The following EIF2B3 variants were observed in gnomAD, a reference collection of about 807,000 sequenced individuals.
The protein encoded by EIF2B3 is eukaryotic translation initiation factor 2B subunit gamma.
EIF2B3 carries 20 observed loss-of-function variants against 54.1 expected under a neutral mutation model. The observed-to-expected ratio is 0.37, with a 90% CI of 0.26 to 0.54. The LOEUF (loss-of-function observed/expected upper bound fraction) is 0.54, where lower values mean the gene tolerates loss of function less well. EIF2B3 is among the 20% of genes least tolerant of loss of function. The probability of loss-of-function intolerance (pLI) is 0.86; values close to 1 mark genes in which losing one functional copy is unlikely to be tolerated. For synonymous variants in EIF2B3, 153 were observed against 188.1 expected (o/e 0.81, Z 1.52); for missense variants, 448 against 547.8 (o/e 0.82, Z 1.82).
chr1:44,921,080 C>T (rs1643729761), intron 5 of EIF2B3, among the ~76,000 whole-genome samples: 2 of 152,220 alleles, frequency 1.3e-5, no homozygotes, highest in African/African-American at 4.8e-5. Context: ...GGATAAAAGG[C>T]ATTTTACCTA....
intron 4 of EIF2B3, among the ~76,000 whole-genome samples, chr1:44,940,402 G>C (rs1317374406): frequency 1.3e-5 from 2 of 152,050 alleles, no homozygotes; most frequent in Non-Finnish European, 2.9e-5. Flanking sequence ...TAGAATCCTA[G>C]GAAAATAAGT....
chr1:44,890,095 G>A (rs1655745525), intron 6 of EIF2B3, among the ~76,000 whole-genome samples: 1 of 152,194 alleles, frequency 6.6e-6, no homozygotes, highest in Non-Finnish European at 1.5e-5. Context: ...TTATGGAAAT[G>A]TTCCCACTCC....
At chr1:44,939,814 T>A (rs1186113641) in intron 4 of EIF2B3, among the ~76,000 whole-genome samples, 1 of 152,092 alleles carries the variant, frequency 6.6e-6, no homozygotes, top group African/African-American at 2.4e-5. Flanking sequence ...ATAAGTTGAT[T>A]TTTTAATTGA....
intron 5 of EIF2B3, among the ~76,000 whole-genome samples, chr1:44,906,450 G>A (rs761578854): frequency 2.5e-4 from 38 of 152,204 alleles, no homozygotes; most frequent in South Asian, 6.2e-4. Context: ...GCCCAGGCTG[G>A]AGTGCAGTGG....
At chr1:44,864,167 G>A (rs1295962957) in intron 10 of EIF2B3, among the ~76,000 whole-genome samples, 1 of 152,210 alleles carries the variant, frequency 6.6e-6, no homozygotes, top group African/African-American at 2.4e-5. Context: ...TCTAAGATGG[G>A]TTTAGTGCAA....
chr1:44,908,019 T>C (rs2148920601), intron 5 of EIF2B3, among the ~76,000 whole-genome samples: 1 of 152,188 alleles, frequency 6.6e-6, no homozygotes, highest in South Asian at 2.1e-4. Context: ...CTCATGACTC[T>C]GGGCTGGGCT....
At chr1:44,970,738 C>T (rs1644391493) in intron 3 of EIF2B3, among the ~76,000 whole-genome samples, 1 of 152,196 alleles carries the variant, frequency 6.6e-6, no homozygotes. Flanking sequence ...TAATTCTAAT[C>T]AGTTAATTCT....
chr1:44,856,121 C>G (rs1654424039), intron 11 of EIF2B3, among the ~76,000 whole-genome samples: 1 of 152,094 alleles, frequency 6.6e-6, no homozygotes, highest in African/African-American at 2.4e-5. Context: ...AATTCTAAGT[C>G]TTTTGGTACA....
At chr1:44,883,522 G>C (rs896812809) in intron 6 of EIF2B3, among the ~76,000 whole-genome samples, 1 of 151,932 alleles carries the variant, frequency 6.6e-6, no homozygotes, top group Non-Finnish European at 1.5e-5. Flanking sequence ...ACCCCTCTGT[G>C]GCCCCCATCC....
chr1:44,926,866 G>A (rs1643859263), intron 4 of EIF2B3, 127 bp from the exon 5 acceptor site: 2 of 846,440 alleles, frequency 2.4e-6, no homozygotes, highest in Non-Finnish European at 1.9e-6. Context: ...TGGGTGCAGT[G>A]GCTCACGCCT....
At chr1:44,959,223 G>T in intron 3 of EIF2B3, 1 of 697,074 alleles carries the variant, frequency 1.4e-6, no homozygotes, top group Non-Finnish European at 2.6e-6. Context: ...TAGTACACCT[G>T]TTTAAATCAG....
chr1:44,918,357 T>C (rs71653937), intron 5 of EIF2B3, among the ~76,000 whole-genome samples: 3,322 of 149,658 alleles, frequency 0.022, 46 homozygotes, highest in Non-Finnish European at 0.035. Context: ...GCTGGGATTA[T>C]AGGAGTGAGC....
At chr1:44,935,560 C>T (rs551402423) in intron 4 of EIF2B3, among the ~76,000 whole-genome samples, 2 of 152,182 alleles carry the variant, frequency 1.3e-5, no homozygotes, top group South Asian at 2.1e-4. Flanking sequence ...AATACAGTGG[C>T]GTGATCTTGG....
At chr1:44,918,072 CTTTTTTTTTT>C (rs3074632) in intron 5 of EIF2B3, among the ~76,000 whole-genome samples, 1 of 88,616 alleles carries the variant, frequency 1.1e-5, no homozygotes, top group Non-Finnish European at 2.1e-5. Context: ...TGTGCCCAGC[CTTTTTTTTTT>C]TTTTTTTTTT....
chr1:44,960,647 A>AT (rs1206583628), intron 3 of EIF2B3, among the ~76,000 whole-genome samples: 5 of 152,264 alleles, frequency 3.3e-5, no homozygotes, highest in South Asian at 2.1e-4. Context: ...CAAAAAAAAA[A>AT]GACAAAAAAC....
In EIF2B3 at chr1:44,874,610, C is replaced by T. The variant is rs9988451; in HGVS notation, c.1202+68G>A. 0.38 allele frequency: 592,639 copies of T among 1,565,410 alleles called. 115,790 individuals carry two copies. Among genetic ancestry groups the T allele is most frequent in the African/African-American group, 0.59 (43,737 of 73,718 alleles). On this transcript the variant is annotated intron_variant, in intron 10 of 11. Transcript: ENST00000360403. ...TATACAATTTTAGGTTAAAATTAAC[C>T]TTCCTTCAGAATTTTGAAGGCATTT...
At chr1:44,891,026 C>T (rs769999270) in intron 6 of EIF2B3, among the ~76,000 whole-genome samples, 1 of 152,106 alleles carries the variant, frequency 6.6e-6, no homozygotes, top group Non-Finnish European at 1.5e-5. Flanking sequence ...TTTAATTGGT[C>T]TCTCTCCCTC....
At chr1:44,856,098 G>A (rs190157151) in intron 11 of EIF2B3, among the ~76,000 whole-genome samples, 85 of 152,214 alleles carry the variant, frequency 5.6e-4, no homozygotes, top group Admixed American at 1.4e-3. Flanking sequence ...ATAATGGCAC[G>A]GTATGTATGA....
intron 3 of EIF2B3, among the ~76,000 whole-genome samples, chr1:44,955,567 A>C (rs1384667644): frequency 6.6e-6 from 1 of 152,194 alleles, no homozygotes; most frequent in Non-Finnish European, 1.5e-5. Context: ...CTATCATCAG[A>C]GTGAACAAGC....
Sources: gnomAD v4.1 joint callset for allele counts (sites outside exome capture counted in the v4.1 genomes callset) on GRCh38, gnomAD v4.1.1 for gene constraint, MANE v1.5 for transcripts, NCBI Gene and HGNC (gene_info 2026-07-23, HGNC 2026-07-21) for gene names.